Variants in ABCC5 observed in about 807,000 individuals in gnomAD.
ABCC5 encodes ATP binding cassette subfamily C member 5, also known as ATP-binding cassette sub-family C member 5.
A neutral mutation model predicts 160.9 loss-of-function variants in ABCC5; 61 were observed. The observed-to-expected ratio is 0.38, with a 90% CI of 0.31 to 0.47. The LOEUF (loss-of-function observed/expected upper bound fraction) is 0.47, where lower values mean the gene tolerates loss of function less well. Ranked by LOEUF, ABCC5 falls within the 20% of genes least tolerant of loss-of-function variation. The pLI is 0.99. For synonymous variants in ABCC5, 666 were observed against 700.6 expected (o/e 0.95, Z 0.78); for missense variants, 1,308 against 1,813.3 (o/e 0.72, Z 5.06).
At position 183,988,620 on chromosome 3, in the gene ABCC5, T is replaced by C; in HGVS notation, c.395A>G (p.Asp132Gly). The C allele has an allele frequency of 6.2e-7, 1 of 1,614,200 alleles. No homozygotes were observed. Among genetic ancestry groups the C allele is most frequent in the Non-Finnish European group, 8.5e-7 (1 of 1,180,036 alleles). The part of the protein sequence containing the change: ...AHKKGELSME[D>G]VWSLSKHESS... ...CTCGTGCTTGGACAGAGACCACACG[T>C]CTTCCATTGAGAGCTCCCCCTTCTT... Residue 132 changes from aspartate to glycine, a missense_variant, in exon 4 of 30, where the codon GAC (aspartate) becomes GGC (glycine). Transcript: ENST00000334444. This position sits in a 1 kb window ranked among gnomAD's most constrained non-coding sequence, Gnocchi z 4.4.
chr3:183,942,625 T>C (rs1714479691), intron 25 of ABCC5, 102 bp downstream of exon 25: 2 of 1,430,400 alleles, frequency 1.4e-6, no homozygotes, highest in South Asian at 1.2e-5. Context: ...GAGACACTAA[T>C]TGCTCATCAA....
intron 5 of ABCC5, chr3:183,985,054 G>C (rs748551782): frequency 1.4e-6 from 1 of 696,850 alleles, no homozygotes; most frequent in South Asian, 1.9e-5. Flanking sequence ...CTTTCAAAGG[G>C]GGGGAAAAAG....
At chr3:183,925,318 C>T (rs868057312) in intron 29 of ABCC5, among the ~76,000 whole-genome samples, 6 of 152,146 alleles carry the variant, frequency 3.9e-5, no homozygotes, top group Admixed American at 1.3e-4. Flanking sequence ...AAGTCAGTGT[C>T]GCTACTCACA....
rs35768238 is a variant in ABCC5 at position 184,010,082 on chromosome 3, G to A, written c.129+4182C>T. ...AGTACTTTGGGAGGCCAAGGCAGGCGGATCACTTGAGCTCAGGAGTTCAAG... is the reference window on the plus strand; with the variant it reads ...AGTACTTTGGGAGGCCAAGGCAGGCAGATCACTTGAGCTCAGGAGTTCAAG... On this transcript the variant is annotated intron_variant, in intron 2 of 29. Coordinates refer to ENST00000334444, the MANE Select transcript of ABCC5 (RefSeq NM_005688.4). 8.7e-3 allele frequency: 2,740 copies of A among 314,706 alleles called. 63 individuals carry two copies. Among genetic ancestry groups the A allele is most frequent in the African/African-American group, 0.057 (2,600 of 45,798 alleles). 19.5% of individuals were successfully genotyped at this position (314,706 alleles called of 1,614,324 possible).
chr3:183,967,770 G>T lies in ABCC5; in HGVS notation c.1762-4C>A. On this transcript the variant is annotated splice_region_variant and splice_polypyrimidine_tract_variant and intron_variant, in intron 11 of 29. Coordinates refer to ENST00000334444, the MANE Select transcript of ABCC5 (RefSeq NM_005688.4). Reference sequence around the variant, plus strand: ...CACAGATTCCAACCAGTTTACCCTGGACAAGGCACACAGAGAGGAGGGTCA... The same window carrying T: ...CACAGATTCCAACCAGTTTACCCTGTACAAGGCACACAGAGAGGAGGGTCA... 1.9e-6 allele frequency: 3 copies of T among 1,611,952 alleles called. No individual in the cohort carries two copies. The highest frequency in any genetic ancestry group is 1.1e-5 in the South Asian group (1 of 91,012).
intron 2 of ABCC5, among the ~76,000 whole-genome samples, chr3:184,003,389 G>T (rs1474029341): frequency 2.6e-5 from 4 of 152,070 alleles, no homozygotes; most frequent in Non-Finnish European, 5.9e-5. Context: ...CTCCCCAGTG[G>T]GTTGTTATCA....
chr3:183,994,130 T>G (rs1720036483), intron 2 of ABCC5, among the ~76,000 whole-genome samples: 1 of 151,558 alleles, frequency 6.6e-6, no homozygotes, highest in Non-Finnish European at 1.5e-5. Context: ...ACCCGTCTAA[T>G]TTTTGTATTT....
intron 17 of ABCC5, among the ~76,000 whole-genome samples, chr3:183,955,831 C>T (rs1283964585): frequency 7.0e-6 from 1 of 142,470 alleles, no homozygotes; most frequent in Non-Finnish European, 1.5e-5. Context: ...CATGCAGCTC[C>T]GTGTGTATAT....
At chr3:183,998,327 G>C (rs778018020) in intron 2 of ABCC5, among the ~76,000 whole-genome samples, 3 of 152,154 alleles carry the variant, frequency 2.0e-5, no homozygotes, top group Non-Finnish European at 4.4e-5. Context: ...ACCTCAGGTT[G>C]TCTTGACATT....
chr3:183,939,840 G>A (rs898315607), intron 25 of ABCC5, among the ~76,000 whole-genome samples: 1 of 152,140 alleles, frequency 6.6e-6, no homozygotes, highest in Non-Finnish European at 1.5e-5. Context: ...CTGTACGCCT[G>A]GTTCTTGACC....
Position 183,987,583 on chromosome 3 carries a change from G to C in ABCC5, c.591+187C>G. 1 of 736,136 alleles carries C rather than the reference G, an allele frequency of 1.4e-6. No individual in the cohort carries two copies. The allele number at this position is 736,136 out of a possible 1,614,324, so 45.6% of individuals were successfully genotyped here. A position where few individuals can be genotyped will look rare whatever the true frequency, so the allele number is the denominator to read the frequency against. ...TCAAGCCAGTTCCATTTCTTCTCTG[G>C]CAACACTGCCCTTTCATCCTTCCAG... On this transcript the variant is annotated intron_variant, in intron 5 of 29. Transcript: ENST00000334444. This position sits in a 1 kb window ranked among gnomAD's most constrained non-coding sequence, Gnocchi z 4.2.
chr3:183,989,410 AAGAGCACAGTTAATACACAGGCG>A, intron 2 of ABCC5, 27 bp from the exon 3 acceptor site: 1 of 1,612,668 alleles, frequency 6.2e-7, no homozygotes, highest in Non-Finnish European at 8.5e-7. Flanking sequence ...GGAGAAAGGC[AAGAGCACAGTTAATACACAGGCG>A]AGAGGCAAAC....
chr3:183,927,189 G>C, intron 28 of ABCC5, 141 bp downstream of exon 28: 1 of 822,428 alleles, frequency 1.2e-6, no homozygotes, highest in Non-Finnish European at 1.9e-6. Context: ...TTGTGTCAGG[G>C]TTAGAGTTAT....
At chr3:183,989,452 T>C in intron 2 of ABCC5, 69 bp from the exon 3 acceptor site, 1 of 1,538,724 alleles carries the variant, frequency 6.5e-7, no homozygotes, top group Non-Finnish European at 8.8e-7. Context: ...ACGGAACTGA[T>C]GAAACAGCTC....
Position 184,009,997 on chromosome 3 carries a change from A to C in ABCC5, c.129+4267T>G, listed in dbSNP as rs532778512. 103 of 437,084 alleles carry C rather than the reference A, an allele frequency of 2.4e-4. 2 individuals are homozygous for C. The highest frequency in any genetic ancestry group is 1.6e-3 in the South Asian group (99 of 61,114). 27.1% of individuals were successfully genotyped at this position (437,084 alleles called of 1,614,324 possible). On this transcript the variant is annotated intron_variant, in intron 2 of 29. Coordinates refer to ENST00000334444, the MANE Select transcript of ABCC5 (RefSeq NM_005688.4). ...GTGCCTCTACAAAAAAACAAACAAAAAAAATTTAATAAAAAATAAAAGTTC... is the reference window on the plus strand; with the variant it reads ...GTGCCTCTACAAAAAAACAAACAAACAAAATTTAATAAAAAATAAAAGTTC...
In ABCC5 at chr3:183,947,342, G is replaced by A; in HGVS notation, c.3396C>T (p.Ala1132=). ...GACTGACCTGGACAGCATAAGAGAT[G>A]GCGAGACCCGCATAGGCTGGGGGAA... ...GQIPPAYAGL[A]ISYAVQLTGL... Residue 1132 remains alanine (A), a synonymous_variant, in exon 23 of 30, where the codon GCC becomes GCT. Transcript: ENST00000334444. 1 of 1,611,968 alleles carries A rather than the reference G, an allele frequency of 6.2e-7. No individual in the cohort carries two copies. The highest frequency in any genetic ancestry group is 2.2e-5 in the East Asian group (1 of 44,838).
In ABCC5 at chr3:183,949,841, G is replaced by A. The variant is rs768877972; in HGVS notation, c.3139C>T (p.Gln1047Ter). Residue 1047 changes from glutamine (Q) to a stop codon, truncating the protein, a stop_gained, in exon 22 of 30, where the codon CAG becomes TAG. Coordinates refer to ENST00000334444, the MANE Select transcript of ABCC5 (RefSeq NM_005688.4). LOFTEE classifies it high-confidence loss of function. The surrounding 1 kb of genome is among the most constrained non-coding windows in gnomAD (Gnocchi z 4.2). ...GTGATGTGGGAGAGGAAAGGTGACT[G>A]CGTGATATTGTCCAGACGCTTCAGC... ...RELKRLDNIT[Q>*]SPFLSHITSS... is the part of the protein sequence containing the mutation. The A allele has an allele frequency of 6.2e-7, 1 of 1,614,230 alleles. No individual in the cohort carries two copies. The highest frequency in any genetic ancestry group is 1.1e-5 in the South Asian group (1 of 91,088).
chr3:183,942,316 G>A (rs1469289707), intron 25 of ABCC5: 2 of 449,140 alleles, frequency 4.5e-6, no homozygotes. Flanking sequence ...TTACAGGCAT[G>A]AGCCACTGCG....
chr3:184,014,526 G>GAAAAAAAAAAAAAAAA (rs67088806), intron 1 of ABCC5, 79 bp from the exon 2 acceptor site: 1 of 512,266 alleles, frequency 2.0e-6, no homozygotes. Flanking sequence ...TTAAAAATAG[G>GAAAAAAAAAAAAAAAA]AAAAAAAAAA....
Sources: allele counts gnomAD v4.1 joint callset (sites outside exome capture counted in the v4.1 genomes callset), GRCh38; gene constraint gnomAD v4.1.1; non-coding constraint Gnocchi (gnomAD v3.1); transcripts MANE v1.5; gene names NCBI Gene and HGNC (gene_info 2026-07-23, HGNC 2026-07-21).